Variants in TBRG4 observed in about 807,000 individuals in gnomAD.
The protein encoded by TBRG4 is transforming growth factor beta regulator 4, also known as FAST kinase domain-containing protein 4.
A neutral mutation model predicts 65.6 loss-of-function variants in TBRG4; 43 were observed. That is an observed-to-expected ratio of 0.66 (90% CI 0.51 to 0.85). TBRG4 has a LOEUF of 0.85. Among genes scored for constraint, TBRG4 ranks in the 40% least tolerant of loss-of-function variants. The pLI is 0.00. For missense variants in TBRG4, 709 were observed against 787.9 expected (o/e 0.90, Z 1.20); for synonymous variants, 366 against 341.4 (o/e 1.07, Z -0.79).
At chr7:45,105,041 C>T (rs1784894902) in intron 3 of TBRG4, 2 of 710,416 alleles carry the variant, frequency 2.8e-6, no homozygotes, top group African/African-American at 1.7e-5. Context: ...GACTTGACTG[C>T]AGGGCTACAG....
chr7:45,109,003 C>A lies in TBRG4; in HGVS notation c.235G>T (p.Ala79Ser), dbSNP rs773359685. Residue 79 changes from alanine (A) to serine (S), a missense_variant, in exon 2 of 11, where the codon GCC becomes TCC. Transcript: ENST00000258770. ...TCCAGGAGCTCCTCTGGCCTTGTGG[C>A]CTTCTTGATGAGGTGGTCCACCTGC... ...EKQVDHLIKK[A>S]TRPEELLELL... 7 of 1,611,422 alleles carry A rather than the reference C, an allele frequency of 4.3e-6. No homozygotes were observed. Among genetic ancestry groups the A allele is most frequent in the Non-Finnish European group, 5.1e-6 (6 of 1,178,792 alleles).
chr7:45,100,565 T>C, intron 10 of TBRG4, 139 bp from the exon 11 acceptor site: 1 of 671,192 alleles, frequency 1.5e-6, no homozygotes. Context: ...CACCTGCCCC[T>C]TGGCCTCCAA....
At chr7:45,100,512 A>G in intron 10 of TBRG4, 86 bp from the exon 11 acceptor site, 2 of 1,062,454 alleles carry the variant, frequency 1.9e-6, no homozygotes, top group Non-Finnish European at 2.9e-6. Flanking sequence ...CTGTCCTCAC[A>G]TTGACCCCTC....
In TBRG4 at chr7:45,104,720, C is replaced by T. The variant is rs747032040; in HGVS notation, c.736-11G>A. Reference sequence around the variant, plus strand: ...CACCAACTCCAGGCACTGTCAACCACAGCCGCGCAGAGGTCAGCTCAATGG... The same window carrying T: ...CACCAACTCCAGGCACTGTCAACCATAGCCGCGCAGAGGTCAGCTCAATGG... On this transcript the variant is annotated splice_polypyrimidine_tract_variant and intron_variant, in intron 3 of 10. Coordinates refer to ENST00000258770, the MANE Select transcript of TBRG4 (RefSeq NM_004749.4). 2.5e-6 allele frequency: 4 copies of T among 1,612,622 alleles called. No homozygotes were observed. The highest frequency in any genetic ancestry group is 1.1e-5 in the South Asian group (1 of 91,022).
At position 45,104,637 on chromosome 7, in the gene TBRG4, G is replaced by A. The variant is rs772958693; in HGVS notation, c.808C>T (p.Arg270Trp). Residue 270 changes from arginine to tryptophan, a missense_variant, in exon 4 of 11, where the codon CGG becomes TGG. Transcript: ENST00000258770. ...KVLVMLAAQS[R>W]RSVPLLRAIS... ...GCCCGCAGCAAGGGCACGGACCGCC[G>A]GCTCTGAGCTGCCAGCATCACCAGC... 6 of 1,613,928 alleles carry A rather than the reference G, an allele frequency of 3.7e-6. No individual in the cohort carries two copies. The highest frequency in any genetic ancestry group is 5.1e-6 in the Non-Finnish European group (6 of 1,180,040).
At chr7:45,106,007 AG>A in intron 2 of TBRG4, 1 of 719,588 alleles carries the variant, frequency 1.4e-6, no homozygotes, top group Non-Finnish European at 2.6e-6. Flanking sequence ...CCTGGGACAC[AG>A]TAACAGGGCC....
intron 3 of TBRG4, chr7:45,105,106 C>T (rs1784897019): frequency 3.0e-6 from 2 of 665,906 alleles, no homozygotes; most frequent in African/African-American, 1.7e-5. Flanking sequence ...CAGGCCTGGG[C>T]AGTAGCTGTG....
chr7:45,103,502 T>TGGG, intron 5 of TBRG4, 59 bp from the exon 6 acceptor site: 3 of 1,375,888 alleles, frequency 2.2e-6, no homozygotes, highest in Non-Finnish European at 3.0e-6. Context: ...CACGCTGTCC[T>TGGG]CCTGCCTGGC....
At chr7:45,110,398 G>A (rs1367396903) in intron 1 of TBRG4, among the ~76,000 whole-genome samples, 2 of 152,180 alleles carry the variant, frequency 1.3e-5, no homozygotes, top group African/African-American at 4.8e-5. Context: ...CAGGCGCAGT[G>A]GCTCACGCCT....
intron 4 of TBRG4, 51 bp downstream of exon 4, chr7:45,104,487 T>C: frequency 6.2e-7 from 1 of 1,612,804 alleles, no homozygotes; most frequent in Admixed American, 1.7e-5. Flanking sequence ...GCTGCAGGCA[T>C]CTGCAGGGCC....
At chr7:45,102,899 G>A in intron 6 of TBRG4, 1 of 301,108 alleles carries the variant, frequency 3.3e-6, no homozygotes, top group South Asian at 4.5e-5. Context: ...CCAGCCCCTG[G>A]CTAATTGTTC....
chr7:45,102,530 C>T, intron 6 of TBRG4, 39 bp from the exon 7 acceptor site: 1 of 1,592,900 alleles, frequency 6.3e-7, no homozygotes, highest in Non-Finnish European at 8.5e-7. Flanking sequence ...AGCAGGCTCT[C>T]CTTAGGGGCT....
chr7:45,110,482 C>T (rs187430932), intron 1 of TBRG4, among the ~76,000 whole-genome samples: 2,461 of 152,058 alleles, frequency 0.016, 77 homozygotes, highest in African/African-American at 0.055. Flanking sequence ...CTGGCTAACA[C>T]GGTGAAACAC....
Position 45,102,485 on chromosome 7 carries a change from C to T in TBRG4, c.1183G>A (p.Glu395Lys). 1 of 1,610,006 alleles carries T rather than the reference C, an allele frequency of 6.2e-7. No individual in the cohort carries two copies. The highest frequency in any genetic ancestry group is 8.5e-7 in the Non-Finnish European group (1 of 1,179,836). The part of the protein sequence containing the change: ...QEDQFFSLVH[E>K]KLGSELPGLE... The stretch of plus-strand genomic sequence containing the variant: ...CCTGGCAGCTCTGACCCCAGCTTCT[C>T]ATGTACCTGGGCAAGGATAGAGTGT... Residue 395 changes from glutamate (E) to lysine (K), a missense_variant, in exon 7 of 11, where the codon GAG (glutamate) becomes AAG (lysine). Physicochemically the swap from Glu to Lys is moderately conservative, Grantham distance 56. Transcript: ENST00000258770.
In TBRG4 at chr7:45,109,140, C is replaced by A. The variant is rs771095877; in HGVS notation, c.98G>T (p.Trp33Leu). ...GGAAGTCAGAGTCTTATGGGCTACC[C>A]AGGCAAGTCTCAGTCGGCCAACTGG... is the stretch of plus-strand genomic sequence containing the variant. ...MAPVGRLRLAWVAHKTLTSSA... is the reference protein window; with the variant it reads ...MAPVGRLRLALVAHKTLTSSA... Residue 33 changes from tryptophan (W) to leucine (L), a missense_variant, in exon 2 of 11, where the codon TGG becomes TTG. Physicochemically the swap from Trp to Leu is moderately conservative, Grantham distance 61. Transcript: ENST00000258770. 4 of 1,614,196 alleles carry A rather than the reference C, an allele frequency of 2.5e-6. No individual in the cohort carries two copies. The highest frequency in any genetic ancestry group is 1.3e-5 in the African/African-American group (1 of 75,068).
intron 1 of TBRG4, among the ~76,000 whole-genome samples, 178 bp from the exon 2 acceptor site, chr7:45,109,465 G>C (rs1785062002): frequency 6.6e-6 from 1 of 152,190 alleles, no homozygotes; most frequent in South Asian, 2.1e-4. Context: ...TTTTGTTTCA[G>C]TACAGAATGC....
rs764333791 is a variant in TBRG4 at position 45,102,503 on chromosome 7, TAG to T, written c.1177-14_1177-13del. ...AGCTTCTCATGTACCTGGGCAAGGA[TAG>T]AGTGTGGTGGAGAAAGCAGGCTCTC... On this transcript the variant is annotated splice_polypyrimidine_tract_variant and intron_variant, in intron 6 of 10. Transcript: ENST00000258770. The T allele has an allele frequency of 1.0e-5, 16 of 1,606,074 alleles. No homozygotes were observed. Among genetic ancestry groups the T allele is most frequent in the African/African-American group, 5.3e-5 (4 of 74,964 alleles).
chr7:45,110,170 TCA>T (rs1785085137), intron 1 of TBRG4, among the ~76,000 whole-genome samples: 1 of 152,096 alleles, frequency 6.6e-6, no homozygotes, highest in African/African-American at 2.4e-5. Context: ...AATGATTTTC[TCA>T]GTCTTAGCTT....
At chr7:45,108,760 T>C (rs886549785) in intron 2 of TBRG4, 67 bp downstream of exon 2, 6 of 1,384,466 alleles carry the variant, frequency 4.3e-6, no homozygotes, top group Non-Finnish European at 5.8e-6. Flanking sequence ...CACTGGCTGC[T>C]GTGGACCCCA....
Sources: gnomAD v4.1 joint callset for allele counts (sites outside exome capture counted in the v4.1 genomes callset) on GRCh38, gnomAD v4.1.1 for gene constraint, MANE v1.5 for transcripts, NCBI Gene and HGNC (gene_info 2026-07-23, HGNC 2026-07-21) for gene names.